BDP1: variants seen among roughly 807,000 people sequenced by gnomAD.
The protein encoded by BDP1 is transcription factor TFIIIB component B'' homolog.
A neutral mutation model predicts 266.6 loss-of-function variants in BDP1; 169 were observed. The observed-to-expected ratio is 0.63, with a 90% CI of 0.56 to 0.72. The LOEUF (loss-of-function observed/expected upper bound fraction) is 0.72. BDP1 is among the 30% of genes least tolerant of loss of function. BDP1 has a pLI of 0.00. For synonymous variants in BDP1, 1,090 were observed against 1,022.4 expected (o/e 1.07, Z -1.26); for missense variants, 3,015 against 3,053.8 (o/e 0.99, Z 0.30).
chr5:71,572,326 C>T (rs1744292605), downstream of BDP1, among the ~76,000 whole-genome samples: 1 of 152,038 alleles, frequency 6.6e-6, no homozygotes, highest in Non-Finnish European at 1.5e-5. Context: ...CACCAGGGAT[C>T]CTGGCAGGCT....
rs1328951411 is a variant in BDP1 at position 71,522,407 on chromosome 5, G to A, written c.5110G>A (p.Val1704Ile). ...SKKEEPVLEKVTTDQSKEGKP... is the reference protein window; with the variant it reads ...SKKEEPVLEKITTDQSKEGKP... ...GAAAGAGGAACCAGTTTTAGAAAAAGTCACAACAGATCAGAGCAAGGAAGG... is the reference window on the plus strand; with the variant it reads ...GAAAGAGGAACCAGTTTTAGAAAAAATCACAACAGATCAGAGCAAGGAAGG... The change falls in exon 23 of 39, where the codon GTC becomes ATC. Residue 1704 changes from valine (V) to isoleucine (I), a missense_variant. By Grantham distance (29) the Val-to-Ile change is conservative (BLOSUM62 3). This residue lies in a region of BDP1 where 2,383 missense variants were observed against 2,404.9 expected (regional missense o/e 0.99). Transcript: ENST00000358731. 6.2e-7 allele frequency: 1 copy of A among 1,613,626 alleles called. No individual in the cohort carries two copies.
intron 25 of BDP1, among the ~76,000 whole-genome samples, chr5:71,525,390 G>T: frequency 6.7e-6 from 1 of 148,972 alleles, no homozygotes; most frequent in African/African-American, 2.4e-5. Flanking sequence ...CCGGGCGGGG[G>T]GCTGACCCCC....
In BDP1 at chr5:71,516,118, T is replaced by G. The variant is rs748983809; in HGVS notation, c.4707T>G (p.Ala1569=). 6.2e-7 allele frequency: 1 copy of G among 1,612,130 alleles called. No homozygotes were observed. The highest frequency in any genetic ancestry group is 1.7e-5 in the Admixed American group (1 of 59,866). ...TGAAGGAAAGTGTTATCCAAACTGC[T>G]CGACAAGTAAGGGGCCGACTTCAGA... is the stretch of plus-strand genomic sequence containing the variant. ...QEMKESVIQT[A]RQVRGRLQRP... is the part of the protein sequence containing the mutation. Residue 1569 remains alanine (A), a synonymous_variant, in exon 21 of 39, where the codon GCT becomes GCG. Coordinates refer to ENST00000358731, the MANE Select transcript of BDP1 (RefSeq NM_018429.3).
At chr5:71,553,047 T>C (rs933001394) in intron 34 of BDP1, 69 bp from the exon 35 acceptor site, 54 of 1,275,064 alleles carry the variant, frequency 4.2e-5, no homozygotes, top group Non-Finnish European at 5.3e-5. Context: ...ATTTCTAGGA[T>C]CCTTTAAAAA....
In BDP1 at chr5:71,545,388, G is replaced by A. The variant is rs376403361; in HGVS notation, c.6744+169G>A. 1,362 of 683,480 alleles carry A rather than the reference G, an allele frequency of 2.0e-3. 6 individuals are homozygous for A. Among genetic ancestry groups the A allele is most frequent in the Non-Finnish European group, 2.7e-3 (1,143 of 416,988 alleles). The allele number at this position is 683,480 out of a possible 1,614,324, so 42.3% of individuals were successfully genotyped here. A position where few individuals can be genotyped will look rare whatever the true frequency, so the allele number is the denominator to read the frequency against. On this transcript the variant is annotated intron_variant, in intron 32 of 38. Transcript: ENST00000358731. ...GTTCTGTTGCCCAGGCAAGAGTGCAGTGGTATGATCTCAGCTCACTGCAAC... is the reference window on the plus strand; with the variant it reads ...GTTCTGTTGCCCAGGCAAGAGTGCAATGGTATGATCTCAGCTCACTGCAAC...
At chr5:71,559,942 C>T (rs1238391106) in intron 36 of BDP1, 40 bp from the exon 37 acceptor site, 2 of 1,602,970 alleles carry the variant, frequency 1.2e-6, no homozygotes, top group Admixed American at 1.7e-5. Context: ...AGTGTATTAA[C>T]TTCAGTATCC....
intron 11 of BDP1, among the ~76,000 whole-genome samples, chr5:71,492,646 A>T (rs1397038035): frequency 6.6e-6 from 1 of 152,170 alleles, no homozygotes; most frequent in Non-Finnish European, 1.5e-5. Flanking sequence ...TTAGGACCTT[A>T]TCAGAAATAT....
chr5:71,552,614 T>C (rs1190650832), intron 34 of BDP1, among the ~76,000 whole-genome samples: 1 of 152,220 alleles, frequency 6.6e-6, no homozygotes, highest in African/African-American at 2.4e-5. Flanking sequence ...GGTTAGGAGC[T>C]GGAGACCAGC....
chr5:71,550,707 T>G (rs1233388262), intron 34 of BDP1, among the ~76,000 whole-genome samples: 3 of 152,132 alleles, frequency 2.0e-5, no homozygotes, highest in Non-Finnish European at 4.4e-5. Context: ...ATTGAAGACT[T>G]TAATATTTTT....
chr5:71,540,449 T>C (rs1336631572), intron 28 of BDP1, among the ~76,000 whole-genome samples: 6 of 152,112 alleles, frequency 3.9e-5, no homozygotes, highest in African/African-American at 1.2e-4. Context: ...TGCCTTAGCC[T>C]CTCAAGTAGT....
At chr5:71,541,077 A>G (rs1210170309) in intron 28 of BDP1, among the ~76,000 whole-genome samples, 1 of 152,220 alleles carries the variant, frequency 6.6e-6, no homozygotes, top group Non-Finnish European at 1.5e-5. Flanking sequence ...AAACATATAG[A>G]ACATAAAGTA....
chr5:71,500,485 C>T (rs529547665), intron 13 of BDP1, among the ~76,000 whole-genome samples: 3 of 151,686 alleles, frequency 2.0e-5, no homozygotes, highest in South Asian at 2.1e-4. Context: ...GCCACCATGC[C>T]CGGCTAATTT....
intron 7 of BDP1, among the ~76,000 whole-genome samples, chr5:71,483,311 G>A (rs1415198391): frequency 6.6e-6 from 1 of 152,086 alleles, no homozygotes; most frequent in Non-Finnish European, 1.5e-5. Flanking sequence ...CCTCTTAATG[G>A]AAGTAATCTG....
At chr5:71,573,136 G>A in the BDP1 span, among the ~76,000 whole-genome samples, 1 of 152,028 alleles carries the variant, frequency 6.6e-6, no homozygotes, top group Non-Finnish European at 1.5e-5. Flanking sequence ...GGCGGAGGCA[G>A]GAGAATGCTT....
chr5:71,502,520 T>C (rs1300404071), intron 14 of BDP1, 79 bp from the exon 15 acceptor site: 10 of 1,216,802 alleles, frequency 8.2e-6, no homozygotes, highest in Non-Finnish European at 1.1e-5. Context: ...ATATTCCAAA[T>C]GGTTTACTTA....
intron 32 of BDP1, among the ~76,000 whole-genome samples, chr5:71,546,858 CTT>C (rs1162736038): frequency 3.8e-4 from 57 of 148,904 alleles, no homozygotes; most frequent in African/African-American, 1.4e-3. Context: ...AGCTTTTTTT[CTT>C]TTTGAGACAG....
Position 71,522,502 on chromosome 5 carries a change from C to CAAA in BDP1, c.5193+26_5193+28dup, listed in dbSNP as rs34331239. ...AGCTCCTTCTAAAAGTAAGTTTGGGCAAAAAAAAAAAAAAAATTTTTTTTC... is the reference window on the plus strand; with the variant it reads ...AGCTCCTTCTAAAAGTAAGTTTGGGCAAAAAAAAAAAAAAAAAAATTTTTTTTC... On this transcript the variant is annotated intron_variant, in intron 23 of 38. Coordinates refer to ENST00000358731, the MANE Select transcript of BDP1 (RefSeq NM_018429.3). 1.2e-4 allele frequency: 176 copies of CAAA among 1,434,032 alleles called. No individual in the cohort carries two copies. Among genetic ancestry groups the CAAA allele is most frequent in the South Asian group, 2.0e-4 (15 of 76,146 alleles). The allele number at this position is 1,434,032 out of a possible 1,614,324, so 88.8% of individuals were successfully genotyped here.
At chr5:71,480,694 G>T (rs1399946444) in intron 7 of BDP1, among the ~76,000 whole-genome samples, 1 of 151,232 alleles carries the variant, frequency 6.6e-6, no homozygotes, top group Non-Finnish European at 1.5e-5. Flanking sequence ...AGCCTCCCAA[G>T]TTGGGATTAC....
chr5:71,495,729 GT>G (rs1763850254), intron 12 of BDP1, among the ~76,000 whole-genome samples: 1 of 152,066 alleles, frequency 6.6e-6, no homozygotes, highest in Non-Finnish European at 1.5e-5. Flanking sequence ...CTTTTACTTG[GT>G]TTGAGTTATT....
Sources: gnomAD v4.1 joint callset for allele counts (sites outside exome capture counted in the v4.1 genomes callset) on GRCh38, gnomAD v4.1.1 for gene constraint, gnomAD v4.1.1 regional missense constraint, MANE v1.5 for transcripts, NCBI Gene and HGNC (gene_info 2026-07-23, HGNC 2026-07-21) for gene names.